FYB2: variants seen among roughly 807,000 people sequenced by gnomAD.
FYB2 encodes FYN-binding protein 2.
A neutral mutation model predicts 94.1 loss-of-function variants in FYB2; 103 were observed. The observed-to-expected ratio is 1.09, with a 90% confidence interval of 0.93 to 1.29. The LOEUF (loss-of-function observed/expected upper bound fraction) is 1.29. Among genes scored for constraint, FYB2 ranks in the 50% most tolerant of loss-of-function variants. The probability of loss-of-function intolerance (pLI) is 0.00; values close to 1 mark genes in which losing one functional copy is unlikely to be tolerated. For synonymous variants in FYB2, 293 were observed against 287.9 expected (o/e 1.02, Z -0.18); for missense variants, 896 against 841.5 (o/e 1.06, Z -0.80).
chr1:56,810,087 G>A (rs1646732483), intron 1 of FYB2, among the ~76,000 whole-genome samples: 2 of 152,160 alleles, frequency 1.3e-5, no homozygotes, highest in Admixed American at 1.3e-4. Context: ...GAAGGAAGAA[G>A]AGGAAGACAG....
intron 13 of FYB2, among the ~76,000 whole-genome samples, chr1:56,740,160 C>T (rs190916642): frequency 6.6e-6 from 1 of 152,038 alleles, no homozygotes; most frequent in African/African-American, 2.4e-5. Flanking sequence ...GAATTTGGAA[C>T]CTCTCTCAAA....
chr1:56,823,504 G>A (rs1891415), upstream of FYB2, among the ~76,000 whole-genome samples: 12,374 of 152,202 alleles, frequency 0.081, 611 homozygotes, highest in East Asian at 0.2. Flanking sequence ...GAAAGGTCTT[G>A]CTTCCATTTT....
chr1:56,722,988 A>T (rs1644514511), intron 17 of FYB2, among the ~76,000 whole-genome samples: 1 of 152,016 alleles, frequency 6.6e-6, no homozygotes, highest in Non-Finnish European at 1.5e-5. Context: ...TAATGAAAAA[A>T]TGTCCCATGG....
intron 9 of FYB2, among the ~76,000 whole-genome samples, chr1:56,746,917 TGA>T (rs925264645): frequency 5.3e-5 from 8 of 152,030 alleles, no homozygotes; most frequent in Admixed American, 3.9e-4. Context: ...CCACAGTGAA[TGA>T]GAGCTTTAGT....
At chr1:56,770,044 G>T (rs1645717843) in intron 4 of FYB2, among the ~76,000 whole-genome samples, 1 of 151,566 alleles carries the variant, frequency 6.6e-6, no homozygotes, top group South Asian at 2.1e-4. Context: ...AATGAGAAAG[G>T]GTACACACGA....
chr1:56,785,100 G>A (rs1448957705), intron 4 of FYB2, among the ~76,000 whole-genome samples: 2 of 152,182 alleles, frequency 1.3e-5, no homozygotes, highest in African/African-American at 2.4e-5. Flanking sequence ...CAGTCAAAAT[G>A]GCCCCTGTAA....
chr1:56,719,532 T>TTTAAG lies in FYB2; in HGVS notation c.*134_*138dup, dbSNP rs1274250606. Reference sequence around the variant, plus strand: ...TGAGGATTTGTTTTTATTTTTCTCTTTTAAGTTCAGAACGAAAGTTTCCAC... The same window carrying TTTAAG: ...TGAGGATTTGTTTTTATTTTTCTCTTTTAAGTTAAGTTCAGAACGAAAGTTTCCAC... On this transcript the variant is annotated 3_prime_UTR_variant, in exon 20 of 20. Coordinates refer to ENST00000343433, the MANE Select transcript of FYB2 (RefSeq NM_001004303.5). The TTTAAG allele has an allele frequency of 1.4e-6, 1 of 708,452 alleles. No individual in the cohort carries two copies. Among genetic ancestry groups the TTTAAG allele is most frequent in the East Asian group, 2.8e-5 (1 of 35,478 alleles). The allele number at this position is 708,452 out of a possible 1,614,324, so 43.9% of individuals were successfully genotyped here. A position where few individuals can be genotyped will look rare whatever the true frequency, so the allele number is the denominator to read the frequency against.
At position 56,792,815 on chromosome 1, in the gene FYB2, A is replaced by G; in HGVS notation, c.10-12T>C. The G allele has an allele frequency of 6.3e-7, 1 of 1,585,154 alleles. No individual in the cohort carries two copies. Among genetic ancestry groups the G allele is most frequent in the Non-Finnish European group, 8.6e-7 (1 of 1,167,990 alleles). On this transcript the variant is annotated splice_polypyrimidine_tract_variant and intron_variant, in intron 1 of 19. Coordinates refer to ENST00000343433, the MANE Select transcript of FYB2 (RefSeq NM_001004303.5). Reference sequence around the variant, plus strand: ...TTTCTTACCCCTTCCTAAGGCAAAGAATAATCAAACAAACAAACAAAAACA... The same window carrying G: ...TTTCTTACCCCTTCCTAAGGCAAAGGATAATCAAACAAACAAACAAAAACA...
intron 9 of FYB2, among the ~76,000 whole-genome samples, chr1:56,745,489 TTC>T (rs941234679): frequency 1.1e-4 from 16 of 152,018 alleles, no homozygotes; most frequent in African/African-American, 3.9e-4. Context: ...CTCGATTCAT[TTC>T]TCTCTCATTT....
chr1:56,814,432 T>C (rs1373802079), intron 1 of FYB2, among the ~76,000 whole-genome samples: 1 of 152,194 alleles, frequency 6.6e-6, no homozygotes, highest in Non-Finnish European at 1.5e-5. Flanking sequence ...GGGAAAGTAA[T>C]GCCAGGCTAA....
chr1:56,732,615 T>C (rs1644735359), intron 15 of FYB2, among the ~76,000 whole-genome samples: 1 of 152,074 alleles, frequency 6.6e-6, no homozygotes, highest in Admixed American at 6.6e-5. Flanking sequence ...CAGCACAGTG[T>C]TGGCATAAAA....
intron 1 of FYB2, among the ~76,000 whole-genome samples, chr1:56,816,669 A>T (rs1043827018): frequency 1.3e-5 from 2 of 152,178 alleles, no homozygotes; most frequent in Non-Finnish European, 2.9e-5. Context: ...TAGATATATT[A>T]TCAAGATGAT....
chr1:56,733,135 GA>G (rs932093644), intron 15 of FYB2, among the ~76,000 whole-genome samples: 6 of 150,410 alleles, frequency 4.0e-5, no homozygotes, highest in South Asian at 2.1e-4. Context: ...CAGCAAAACA[GA>G]AAAAAAAATT....
intron 1 of FYB2, among the ~76,000 whole-genome samples, chr1:56,802,367 C>T (rs1335331177): frequency 6.6e-6 from 1 of 152,188 alleles, no homozygotes; most frequent in Non-Finnish European, 1.5e-5. Flanking sequence ...GGTAGTTATG[C>T]AGGCAATTAC....
chr1:56,800,753 C>A lies in FYB2; in HGVS notation c.10-7950G>T, dbSNP rs376751294. 3.2e-4 allele frequency among the ~76,000 whole-genome samples: 49 copies of A among 152,278 alleles called. No individual in the cohort carries two copies. The South Asian group carries it at 9.7e-3, about 30-fold the overall frequency. On this transcript the variant is annotated intron_variant, in intron 1 of 19. Transcript: ENST00000343433. ...GGTGAGACTGCGCCTCCTCTAGTTGCAAGCACATATGCCACCTGCTGTCCC... is the reference window on the plus strand; with the variant it reads ...GGTGAGACTGCGCCTCCTCTAGTTGAAAGCACATATGCCACCTGCTGTCCC...
chr1:56,790,700 G>A (rs1188879402), intron 2 of FYB2, among the ~76,000 whole-genome samples: 1 of 152,146 alleles, frequency 6.6e-6, no homozygotes, highest in African/African-American at 2.4e-5. Context: ...AATAACAAGA[G>A]ACTGATGATA....
chr1:56,762,343 G>A (rs1645516722), intron 5 of FYB2, among the ~76,000 whole-genome samples: 1 of 151,990 alleles, frequency 6.6e-6, no homozygotes, highest in South Asian at 2.1e-4. Flanking sequence ...ATTTTACTGT[G>A]TTGTGTCTTC....
At position 56,763,615 on chromosome 1, in the gene FYB2, T is replaced by C. The variant is rs576556020; in HGVS notation, c.1063+4214A>G. Among the ~76,000 whole-genome samples the C allele has an allele frequency of 2.6e-5, 4 of 152,298 alleles. No individual in the cohort carries two copies. In the South Asian group the frequency reaches 8.3e-4, roughly 32 times the overall value. On this transcript the variant is annotated intron_variant, in intron 5 of 19. Coordinates refer to ENST00000343433, the MANE Select transcript of FYB2 (RefSeq NM_001004303.5). ...AATGATATCCCTGCTTCAGTCTTAA[T>C]ATTATATCTTTTTTCTGTTTCTTTT... is the stretch of plus-strand genomic sequence containing the variant.
At chr1:56,794,124 T>C (rs992436252) in intron 1 of FYB2, among the ~76,000 whole-genome samples, 2 of 152,190 alleles carry the variant, frequency 1.3e-5, no homozygotes, top group Admixed American at 6.5e-5. Flanking sequence ...CCTTGGAAAA[T>C]GATCATGCTC....
Sources: allele counts gnomAD v4.1 joint callset (sites outside exome capture counted in the v4.1 genomes callset), GRCh38; gene constraint gnomAD v4.1.1; transcripts MANE v1.5; gene names NCBI Gene and HGNC (gene_info 2026-07-23, HGNC 2026-07-21).